TMEM268: variants seen among roughly 807,000 people sequenced by gnomAD.
The protein encoded by TMEM268 is transmembrane protein C9orf91.
Under a neutral mutation model 39.1 loss-of-function variants are expected in TMEM268, and 24 were observed. The observed-to-expected ratio is 0.61, with a 90% CI of 0.44 to 0.86. TMEM268 has a LOEUF of 0.86. Ranked by LOEUF, TMEM268 falls within the 40% of genes least tolerant of loss-of-function variation. The pLI is 0.00. For synonymous variants in TMEM268, 176 were observed against 173.5 expected, an observed-to-expected ratio of 1.01 and a Z score of -0.12; for missense variants, 409 against 428.6, an observed-to-expected ratio of 0.95 and a Z score of 0.40.
chr9:114,633,382 G>C (rs1028059445), intron 5 of TMEM268, among the ~76,000 whole-genome samples: 2 of 151,956 alleles, frequency 1.3e-5, no homozygotes, highest in Non-Finnish European at 2.9e-5. Context: ...GGCTGGTCTC[G>C]AACTCCTGAC....
upstream of TMEM268, among the ~76,000 whole-genome samples, chr9:114,611,049 C>T (rs1049002013): frequency 2.6e-5 from 4 of 152,200 alleles, no homozygotes; most frequent in African/African-American, 9.6e-5. Context: ...AGCGAAACCC[C>T]CGACTCTAAA....
chr9:114,644,187 T>C lies in TMEM268; in HGVS notation c.*874T>C, dbSNP rs1478543774. 1 of 152,344 alleles carries C rather than the reference T, an allele frequency of 6.6e-6. No homozygotes were observed. The highest frequency in any genetic ancestry group is 6.6e-5 in the Admixed American group (1 of 15,266). The allele number at this position is 152,344 out of a possible 1,614,324, so 9.4% of individuals were successfully genotyped here. On this transcript the variant is annotated 3_prime_UTR_variant, in exon 9 of 9. Coordinates refer to ENST00000288502, the MANE Select transcript of TMEM268 (RefSeq NM_153045.4). ...CCAAGTGATCTGCTCCTGAACAAGT[T>C]TGAAGACCTATTGTTTCATAGACCC... is the stretch of plus-strand genomic sequence containing the variant.
At chr9:114,627,614 GA>G (rs1846218494) in intron 4 of TMEM268, among the ~76,000 whole-genome samples, 1 of 152,130 alleles carries the variant, frequency 6.6e-6, no homozygotes, top group Non-Finnish European at 1.5e-5. Flanking sequence ...AGGGAGAAGG[GA>G]AAAGGGTGGG....
At position 114,624,478 on chromosome 9, in the gene TMEM268, G is replaced by A. The variant is rs900864428; in HGVS notation, c.216+19G>A. The A allele has an allele frequency of 6.4e-7, 1 of 1,555,690 alleles. No homozygotes were observed. Among genetic ancestry groups the A allele is most frequent in the African/African-American group, 1.4e-5 (1 of 73,372 alleles). On this transcript the variant is annotated intron_variant, in intron 3 of 8. Coordinates refer to ENST00000288502, the MANE Select transcript of TMEM268 (RefSeq NM_153045.4). The stretch of plus-strand genomic sequence containing the variant: ...CATCCAGGTGAGTGCTGATTTCCTT[G>A]AATCCCTACCATTTTCTCTTTCATC...
chr9:114,603,941 C>G, the TMEM268 span, among the ~76,000 whole-genome samples: 1 of 152,130 alleles, frequency 6.6e-6, no homozygotes, highest in Non-Finnish European at 1.5e-5. Context: ...AGCCACCATG[C>G]CCTGCCTGCT....
chr9:114,631,540 G>A (rs1487763232), intron 5 of TMEM268, among the ~76,000 whole-genome samples: 1 of 152,064 alleles, frequency 6.6e-6, no homozygotes, highest in Non-Finnish European at 1.5e-5. Context: ...CTGAGGTAGG[G>A]GCATTATTAT....
chr9:114,617,128 CTGAG>C lies in TMEM268; in HGVS notation c.-67_-64del. ...TGCTGTTTTCTGAAGGCATATGATG[CTGAG>C]CTGGCTGCTCCAGAATGAACCACAG... On this transcript the variant is annotated 5_prime_UTR_variant, in exon 2 of 9. An upstream open reading frame in the 5' UTR loses its in-frame stop. Coordinates refer to ENST00000288502, the MANE Select transcript of TMEM268 (RefSeq NM_153045.4). 9.5e-7 allele frequency: 1 copy of C among 1,055,488 alleles called. No homozygotes were observed. The highest frequency in any genetic ancestry group is 1.4e-5 in the South Asian group (1 of 69,042). The allele number at this position is 1,055,488 out of a possible 1,614,324, so 65.4% of individuals were successfully genotyped here.
At chr9:114,633,464 G>C (rs2004734) in intron 5 of TMEM268, among the ~76,000 whole-genome samples, 41,645 of 151,754 alleles carry the variant, frequency 0.27, 6,068 homozygotes, top group South Asian at 0.4. Context: ...CTGGCCCCAC[G>C]TAGTTAATTT....
chr9:114,631,802 A>C (rs1846411024), intron 5 of TMEM268, among the ~76,000 whole-genome samples: 1 of 152,102 alleles, frequency 6.6e-6, no homozygotes, highest in African/African-American at 2.4e-5. Flanking sequence ...AAACTCATGC[A>C]AACAATCACG....
At chr9:114,614,767 G>A (rs1484363023) in intron 1 of TMEM268, among the ~76,000 whole-genome samples, 1 of 152,204 alleles carries the variant, frequency 6.6e-6, no homozygotes, top group Admixed American at 6.5e-5. Flanking sequence ...TTTCCTTGGT[G>A]AGGGGTGATT....
upstream of TMEM268, among the ~76,000 whole-genome samples, chr9:114,608,678 G>A (rs528336377): frequency 9.2e-5 from 14 of 152,128 alleles, no homozygotes; most frequent in Non-Finnish European, 1.8e-4. Flanking sequence ...TTGCTCCCAC[G>A]CGTCTAAATT....
intron 5 of TMEM268, among the ~76,000 whole-genome samples, chr9:114,631,893 G>A (rs1846415377): frequency 6.6e-6 from 1 of 151,976 alleles, no homozygotes; most frequent in African/African-American, 2.4e-5. Flanking sequence ...TTGAACCTAG[G>A]AGTTTGAGAC....
chr9:114,636,652 C>T (rs952608748), intron 6 of TMEM268, among the ~76,000 whole-genome samples: 6 of 152,036 alleles, frequency 3.9e-5, no homozygotes, highest in Non-Finnish European at 5.9e-5. Context: ...AGGTGTCCAC[C>T]ACCACACCCA....
chr9:114,605,380 C>G, the TMEM268 span, among the ~76,000 whole-genome samples: 1 of 151,210 alleles, frequency 6.6e-6, no homozygotes, highest in Non-Finnish European at 1.5e-5. Context: ...ATACATGGGT[C>G]TTAAGAGGCA....
chr9:114,639,869 G>A (rs1203574195), intron 8 of TMEM268, among the ~76,000 whole-genome samples: 1 of 148,794 alleles, frequency 6.7e-6, no homozygotes, highest in African/African-American at 2.5e-5. Context: ...ACAGGCATGA[G>A]CCACCATGCC....
intron 6 of TMEM268, among the ~76,000 whole-genome samples, chr9:114,634,354 G>T (rs1340164981): frequency 6.6e-6 from 1 of 152,208 alleles, no homozygotes; most frequent in African/African-American, 2.4e-5. Context: ...AGGGCTGCAT[G>T]GAGCTCACCA....
chr9:114,616,990 A>G, intron 1 of TMEM268, 128 bp from the exon 2 acceptor site: 1 of 480,412 alleles, frequency 2.1e-6, no homozygotes, highest in Non-Finnish European at 3.8e-6. Flanking sequence ...CAAAAAGGCC[A>G]AAGTTGGCAA....
chr9:114,617,880 T>A (rs573348718), intron 2 of TMEM268, among the ~76,000 whole-genome samples: 31 of 124,022 alleles, frequency 2.5e-4, no homozygotes, highest in South Asian at 2.3e-3. Flanking sequence ...TAATTTTTTA[T>A]TTTTTTTATT....
In TMEM268 at chr9:114,643,101, G is replaced by A. The variant is rs754865415; in HGVS notation, c.850-33G>A. Reference sequence around the variant, plus strand: ...CCCTTTTTCCTCAAGGGGCTCCCCTGTGGTATTCAATCTGCTTCCCTGCCT... The same window carrying A: ...CCCTTTTTCCTCAAGGGGCTCCCCTATGGTATTCAATCTGCTTCCCTGCCT... On this transcript the variant is annotated intron_variant, in intron 8 of 8. Transcript: ENST00000288502. The A allele has an allele frequency of 6.2e-6, 10 of 1,612,758 alleles. No individual in the cohort carries two copies. In the South Asian group the frequency reaches 9.9e-5, roughly 16 times the overall value.
Sources: gnomAD v4.1 joint callset for allele counts (sites outside exome capture counted in the v4.1 genomes callset) on GRCh38, gnomAD v4.1.1 for gene constraint, MANE v1.5 for transcripts, NCBI Gene and HGNC (gene_info 2026-07-23, HGNC 2026-07-21) for gene names.